The following ROR1 variants were observed in gnomAD, a reference collection of about 807,000 sequenced individuals.
ROR1 encodes ROR family WNT receptor 1, also known as inactive tyrosine-protein kinase transmembrane receptor ROR1.
A neutral mutation model predicts 78.8 loss-of-function variants in ROR1; 19 were observed. That is an observed-to-expected ratio of 0.24 (90% confidence interval 0.17 to 0.35). The LOEUF is 0.35. Ranked by LOEUF, ROR1 falls within the 10% of genes least tolerant of loss-of-function variation. The pLI is 1.00. For synonymous variants in ROR1, 386 were observed against 433.6 expected (o/e 0.89, Z 1.36); for missense variants, 917 against 1,177.8 (o/e 0.78, Z 3.24).
At chr1:63,789,674 C>CTTTTTT (rs902307163) in intron 1 of ROR1, among the ~76,000 whole-genome samples, 9 of 102,602 alleles carry the variant, frequency 8.8e-5, no homozygotes, top group African/African-American at 1.5e-4. Context: ...CCTTCCTCTC[C>CTTTTTT]TTTTTTTTTT....
chr1:63,845,605 G>C (rs1169924263), intron 1 of ROR1, among the ~76,000 whole-genome samples: 1 of 152,032 alleles, frequency 6.6e-6, no homozygotes, highest in Non-Finnish European at 1.5e-5. Flanking sequence ...ATTTCTTTTA[G>C]GTTCCTGTTT....
At chr1:64,130,330 A>T (rs915762436) in intron 4 of ROR1, among the ~76,000 whole-genome samples, 1 of 152,182 alleles carries the variant, frequency 6.6e-6, no homozygotes, top group African/African-American at 2.4e-5. Context: ...GTTAACATGT[A>T]CTTTTTGATG....
chr1:64,132,799 C>A (rs1648969295), intron 4 of ROR1, among the ~76,000 whole-genome samples: 1 of 144,520 alleles, frequency 6.9e-6, no homozygotes, highest in African/African-American at 2.6e-5. Context: ...GAGAGATAGG[C>A]ATTTTAACTG....
intron 4 of ROR1, among the ~76,000 whole-genome samples, chr1:64,101,056 G>T (rs1167829152): frequency 1.3e-5 from 2 of 152,204 alleles, no homozygotes; most frequent in African/African-American, 2.4e-5. Context: ...GAAAAAGAAA[G>T]GTTCAGGGTC....
chr1:63,788,231 G>T (rs1036071740), intron 1 of ROR1, among the ~76,000 whole-genome samples: 10 of 152,284 alleles, frequency 6.6e-5, no homozygotes, highest in African/African-American at 2.4e-4. Context: ...GAAGCAGTTT[G>T]ATTGCTTTTT....
intron 4 of ROR1, among the ~76,000 whole-genome samples, chr1:64,120,738 G>A (rs553607950): frequency 1.8e-4 from 28 of 152,208 alleles, no homozygotes; most frequent in Admixed American, 1.6e-3. Flanking sequence ...CTTAACACCT[G>A]CCAGACTATA....
At chr1:63,886,637 C>A (rs1645359412) in intron 1 of ROR1, among the ~76,000 whole-genome samples, 1 of 152,148 alleles carries the variant, frequency 6.6e-6, no homozygotes, top group Non-Finnish European at 1.5e-5. Context: ...TGCATCTTCT[C>A]CTTCAGAATG....
At chr1:63,905,398 A>G (rs1264561639) in intron 1 of ROR1, among the ~76,000 whole-genome samples, 1 of 152,204 alleles carries the variant, frequency 6.6e-6, no homozygotes, top group East Asian at 1.9e-4. Context: ...CCAGGATATT[A>G]ACAAGTTTTA....
intron 1 of ROR1, among the ~76,000 whole-genome samples, chr1:63,942,221 C>G (rs1383464745): frequency 6.6e-6 from 1 of 152,186 alleles, no homozygotes; most frequent in Non-Finnish European, 1.5e-5. Flanking sequence ...TTTCTTCAGT[C>G]TCTACATTCA....
At chr1:63,844,630 C>G (rs968981618) in intron 1 of ROR1, among the ~76,000 whole-genome samples, 3 of 152,158 alleles carry the variant, frequency 2.0e-5, no homozygotes. Context: ...TTAATAATAA[C>G]AGGTTAGAGA....
intron 1 of ROR1, chr1:63,843,091 T>TC (rs1428375705): frequency 3.7e-6 from 2 of 540,638 alleles, no homozygotes; most frequent in South Asian, 2.1e-5. Context: ...CCTGCTGGGA[T>TC]CCCCCCAGCC....
chr1:64,040,297 C>G (rs1646736101), intron 2 of ROR1, among the ~76,000 whole-genome samples: 1 of 152,108 alleles, frequency 6.6e-6, no homozygotes. Context: ...ATTCAAAATT[C>G]TAGTTAAAAG....
intron 4 of ROR1, among the ~76,000 whole-genome samples, chr1:64,109,858 G>C (rs1648009532): frequency 6.6e-6 from 1 of 152,078 alleles, no homozygotes; most frequent in East Asian, 1.9e-4. Flanking sequence ...ATATGGTAGG[G>C]TGGGATGGGC....
At chr1:64,163,823 A>G (rs1009823220) in intron 8 of ROR1, among the ~76,000 whole-genome samples, 2 of 152,176 alleles carry the variant, frequency 1.3e-5, no homozygotes, top group Admixed American at 1.3e-4. Flanking sequence ...TGTTCTTACC[A>G]AATGTCACCA....
At chr1:64,160,056 CT>C in intron 8 of ROR1, among the ~76,000 whole-genome samples, 1 of 152,120 alleles carries the variant, frequency 6.6e-6, no homozygotes, top group Admixed American at 6.5e-5. Flanking sequence ...ATCTAACAGC[CT>C]GTTTTTTTTT....
At chr1:64,054,907 G>A (rs532738449) in intron 4 of ROR1, among the ~76,000 whole-genome samples, 54 of 152,156 alleles carry the variant, frequency 3.5e-4, no homozygotes, top group Non-Finnish European at 6.8e-4. Flanking sequence ...GAATTTTTCC[G>A]TATTCATTGG....
At chr1:64,114,300 CG>C (rs1361708034) in intron 4 of ROR1, among the ~76,000 whole-genome samples, 1 of 152,170 alleles carries the variant, frequency 6.6e-6, no homozygotes, top group Non-Finnish European at 1.5e-5. Flanking sequence ...CTTAATATGT[CG>C]CTTCTTAGAA....
chr1:63,917,087 C>G (rs1002506022), intron 1 of ROR1, among the ~76,000 whole-genome samples: 1 of 152,130 alleles, frequency 6.6e-6, no homozygotes, highest in Admixed American at 6.5e-5. Context: ...GTCCCTGAAC[C>G]CAACCTCACA....
At chr1:63,997,155 T>A (rs963445042) in intron 1 of ROR1, among the ~76,000 whole-genome samples, 4 of 152,082 alleles carry the variant, frequency 2.6e-5, no homozygotes, top group African/African-American at 9.7e-5. Flanking sequence ...TGAAAAGGGG[T>A]TTGTTTTTCT....
Sources: gnomAD v4.1 joint callset for allele counts (sites outside exome capture counted in the v4.1 genomes callset) on GRCh38, gnomAD v4.1.1 for gene constraint, MANE v1.5 for transcripts, NCBI Gene and HGNC (gene_info 2026-07-23, HGNC 2026-07-21) for gene names.